JAK1: variants seen among roughly 807,000 people sequenced by gnomAD.
JAK1 encodes the protein Janus kinase 1, also known as tyrosine-protein kinase JAK1.
In JAK1, 16 loss-of-function variants were observed where a neutral mutation model predicts 136.6. That is an observed-to-expected ratio of 0.12 (90% CI 0.08 to 0.18). The LOEUF (loss-of-function observed/expected upper bound fraction) is 0.18. Among genes scored for constraint, JAK1 ranks in the 10% least tolerant of loss-of-function variants. The pLI is 1.00. For synonymous variants in JAK1, 492 were observed against 519.5 expected (o/e 0.95, Z 0.72); for missense variants, 859 against 1,450.1 (o/e 0.59, Z 6.62).
chr1:65,025,395 G>A (rs1349240576), intron 2 of JAK1, among the ~76,000 whole-genome samples: 1 of 152,118 alleles, frequency 6.6e-6, no homozygotes, highest in Admixed American at 6.5e-5. Context: ...TCAAAAACTA[G>A]CAAATGTCCA....
chr1:64,927,434 C>T (rs530833570), intron 1 of JAK1, among the ~76,000 whole-genome samples: 107 of 152,196 alleles, frequency 7.0e-4, no homozygotes, highest in African/African-American at 2.0e-3. Flanking sequence ...AATAAGTGGG[C>T]AAATGAACGA....
upstream of JAK1, among the ~76,000 whole-genome samples, chr1:64,970,230 A>G (rs1333274466): frequency 1.3e-5 from 2 of 149,442 alleles, no homozygotes; most frequent in Non-Finnish European, 3.0e-5. Context: ...GCTTGAGGCC[A>G]GGAGTTCAAA....
Position 64,844,270 on chromosome 1 carries a change from A to G in JAK1, c.2252-55T>C. ...AGTTTCTGGGATCTCCTAGGGATTCAATTACTGTCACTGCAGCCAGAACAG... is the reference window on the plus strand; with the variant it reads ...AGTTTCTGGGATCTCCTAGGGATTCGATTACTGTCACTGCAGCCAGAACAG... On this transcript the variant is annotated intron_variant, in intron 16 of 24. Coordinates refer to ENST00000342505, the MANE Select transcript of JAK1 (RefSeq NM_002227.4). This position sits in a 1 kb window ranked among gnomAD's most constrained non-coding sequence, Gnocchi z 5.7. The G allele has an allele frequency of 1.2e-6, 2 of 1,601,482 alleles. No homozygotes were observed. Among genetic ancestry groups the G allele is most frequent in the Non-Finnish European group, 1.7e-6 (2 of 1,168,782 alleles).
intron 1 of JAK1, among the ~76,000 whole-genome samples, chr1:64,914,752 T>G (rs951082453): frequency 6.6e-6 from 1 of 152,050 alleles, no homozygotes; most frequent in East Asian, 1.9e-4. Context: ...TTAGTAGAGA[T>G]GGGGTTTCAC....
At chr1:64,892,943 T>G (rs1251048650) in intron 1 of JAK1, among the ~76,000 whole-genome samples, 1 of 152,024 alleles carries the variant, frequency 6.6e-6, no homozygotes, top group African/African-American at 2.4e-5. Context: ...CTGGCAAGAC[T>G]AACATATACA....
intron 1 of JAK1, among the ~76,000 whole-genome samples, chr1:64,889,920 G>A (rs1346426822): frequency 1.3e-5 from 2 of 152,202 alleles, no homozygotes; most frequent in African/African-American, 2.4e-5. Flanking sequence ...GGTTGACAGT[G>A]AAACTCAATG....
At chr1:64,835,134 C>T (rs1654391724) in intron 24 of JAK1, among the ~76,000 whole-genome samples, 1 of 152,226 alleles carries the variant, frequency 6.6e-6, no homozygotes, top group African/African-American at 2.4e-5. Flanking sequence ...ACACCAAAAC[C>T]TGTCCCTCTG....
At chr1:64,864,039 G>A (rs1359107285) in intron 8 of JAK1, among the ~76,000 whole-genome samples, 1 of 152,192 alleles carries the variant, frequency 6.6e-6, no homozygotes, top group African/African-American at 2.4e-5. Flanking sequence ...ATACAAGAGA[G>A]TGACTGTCTG....
At position 64,928,788 on chromosome 1, in the gene JAK1, A is replaced by AAAAAAAC. The variant is rs1553170010; in HGVS notation, c.-78+37544_-78+37545insGTTTTTT. Among the ~76,000 whole-genome samples the AAAAAAAC allele has an allele frequency of 1.8e-3, 166 of 90,624 alleles. 3 individuals are homozygous for AAAAAAAC. Among genetic ancestry groups the AAAAAAAC allele is most frequent in the Middle Eastern group, 4.8e-3 (1 of 210 alleles). 59.5% of individuals were successfully genotyped at this position (90,624 alleles called of 152,430 possible). A position where few individuals can be genotyped will look rare whatever the true frequency, so the allele number is the denominator to read the frequency against. ...TGCTATAAAACTCTGCAAAAAAAAA[A>AAAAAAAC]AAAAAAAACAAAAAAAAAAAACTCT... is the stretch of plus-strand genomic sequence containing the variant. On this transcript the variant is annotated intron_variant, in intron 1 of 24. Coordinates refer to ENST00000342505, the MANE Select transcript of JAK1 (RefSeq NM_002227.4).
At chr1:65,033,818 T>C (rs547587827) in intron 2 of JAK1, among the ~76,000 whole-genome samples, 4 of 151,524 alleles carry the variant, frequency 2.6e-5, no homozygotes, top group Admixed American at 1.3e-4. Flanking sequence ...AATCCATCAC[T>C]CCTGCAGTTC....
At chr1:65,010,008 G>A (rs1012996211) in intron 2 of JAK1, among the ~76,000 whole-genome samples, 14 of 152,044 alleles carry the variant, frequency 9.2e-5, no homozygotes, top group Admixed American at 7.2e-4. Context: ...CTAGACTTTC[G>A]ACTCCATCAT....
At chr1:64,866,087 GTAA>G (rs1656686518) in intron 7 of JAK1, among the ~76,000 whole-genome samples, 1 of 152,170 alleles carries the variant, frequency 6.6e-6, no homozygotes, top group African/African-American at 2.4e-5. Context: ...ATTAATTACA[GTAA>G]TAATAATTGT....
chr1:65,013,334 T>G (rs1479666901), intron 2 of JAK1, among the ~76,000 whole-genome samples: 1 of 150,326 alleles, frequency 6.7e-6, no homozygotes, highest in Non-Finnish European at 1.5e-5. Flanking sequence ...AGGCGGAGGT[T>G]GCGGTGAGCC....
Position 64,855,736 on chromosome 1 carries a change from G to A in JAK1, c.1459-38C>T, listed in dbSNP as rs11579283. 0.063 allele frequency: 99,564 copies of A among 1,580,746 alleles called. 3,885 individuals carry two copies. The highest frequency in any genetic ancestry group is 0.16 in the Admixed American group (9,149 of 58,588). Reference sequence around the variant, plus strand: ...TGACCAGAAATTACATGTTTAAAATGGGGTCAGGCATGGGTATGTAAGATA... The same window carrying A: ...TGACCAGAAATTACATGTTTAAAATAGGGTCAGGCATGGGTATGTAAGATA... On this transcript the variant is annotated intron_variant, in intron 10 of 24. Transcript: ENST00000342505.
At chr1:64,911,572 G>A (rs2100282683) in intron 1 of JAK1, among the ~76,000 whole-genome samples, 1 of 152,288 alleles carries the variant, frequency 6.6e-6, no homozygotes, top group Non-Finnish European at 1.5e-5. Flanking sequence ...GCAAAGAGAA[G>A]TATCTGAGCT....
intron 1 of JAK1, among the ~76,000 whole-genome samples, chr1:64,958,902 C>T (rs961116137): frequency 6.6e-6 from 1 of 152,194 alleles, no homozygotes; most frequent in Non-Finnish European, 1.5e-5. Flanking sequence ...TGGTTCTTAG[C>T]TATTTCTACT....
Position 64,844,819 on chromosome 1 carries a change from C to T in JAK1, c.2186G>A (p.Ser729Asn). 1.2e-6 allele frequency: 2 copies of T among 1,614,238 alleles called. No homozygotes were observed. The highest frequency in any genetic ancestry group is 1.7e-6 in the Non-Finnish European group (2 of 1,180,042). ...NLLLAREGID[S>N]ECGPFIKLSD... is the part of the protein sequence containing the mutation. ...GAGCTTGATGAATGGGCCACACTCA[C>T]TGTCGATGCCCTCACGGGCCAGGAG... Residue 729 changes from serine (S) to asparagine (N), a missense_variant, in exon 16 of 25, where the codon AGT becomes AAT. By Grantham distance (46) the Ser-to-Asn change is conservative. Transcript: ENST00000342505. This position sits in a 1 kb window ranked among gnomAD's most constrained non-coding sequence, Gnocchi z 5.7.
intron 1 of JAK1, among the ~76,000 whole-genome samples, chr1:65,047,257 G>A (rs1173324917): frequency 6.6e-6 from 1 of 152,104 alleles, no homozygotes; most frequent in African/African-American, 2.4e-5. Flanking sequence ...CTTAAAAACT[G>A]ATTTTGAAAT....
At chr1:64,838,622 T>C (rs1654643978) in intron 20 of JAK1, 33 bp from the exon 21 acceptor site, 1 of 1,607,800 alleles carries the variant, frequency 6.2e-7, no homozygotes, top group African/African-American at 1.3e-5. Flanking sequence ...AGTCTGAGGC[T>C]GCCAAATGAG....
Sources: gnomAD v4.1 joint callset for allele counts (sites outside exome capture counted in the v4.1 genomes callset) on GRCh38, gnomAD v4.1.1 for gene constraint, Gnocchi (gnomAD v3.1) non-coding constraint, MANE v1.5 for transcripts, NCBI Gene and HGNC (gene_info 2026-07-23, HGNC 2026-07-21) for gene names.